The following FER variants were observed in gnomAD, a reference collection of about 807,000 sequenced individuals.
FER encodes the protein tyrosine-protein kinase Fer.
Under a neutral mutation model 111.0 loss-of-function variants are expected in FER, and 63 were observed. The observed-to-expected ratio is 0.57, with a 90% confidence interval of 0.46 to 0.70. The LOEUF (loss-of-function observed/expected upper bound fraction) is 0.70. Ranked by LOEUF, FER falls within the 30% of genes least tolerant of loss-of-function variation. The pLI is 0.00. For synonymous variants in FER, 327 were observed against 313.9 expected (o/e 1.04, Z -0.44); for missense variants, 914 against 954.0 (o/e 0.96, Z 0.55).
chr5:108,798,840 A>G (rs989091013), intron 3 of FER, among the ~76,000 whole-genome samples: 2 of 152,020 alleles, frequency 1.3e-5, no homozygotes, highest in Admixed American at 6.6e-5. Flanking sequence ...CAAAACAAAA[A>G]ATTCCCTAAT....
In FER at chr5:108,959,395, G is replaced by A. The variant is rs1758862273; in HGVS notation, c.1656+48G>A. 2.6e-6 allele frequency: 4 copies of A among 1,530,178 alleles called. No homozygotes were observed. The African/African-American group carries it at 4.2e-5, about 16-fold the overall frequency. The allele number at this position is 1,530,178 out of a possible 1,614,324, so 94.8% of individuals were successfully genotyped here. On this transcript the variant is annotated intron_variant, in intron 13 of 19. Coordinates refer to ENST00000281092, the MANE Select transcript of FER (RefSeq NM_005246.4). ...GTCTGTTTGTTTTAAAAGAATTTTTGGTGAGTTAACATTTCCAACAGTAAA... is the reference window on the plus strand; with the variant it reads ...GTCTGTTTGTTTTAAAAGAATTTTTAGTGAGTTAACATTTCCAACAGTAAA...
intron 9 of FER, among the ~76,000 whole-genome samples, chr5:108,891,168 A>G (rs1303718267): frequency 6.6e-6 from 1 of 152,074 alleles, no homozygotes; most frequent in Admixed American, 6.6e-5. Flanking sequence ...TGTCATTTGT[A>G]TATCCTGTTT....
At chr5:108,850,691 CTG>C (rs1762466469) in intron 5 of FER, among the ~76,000 whole-genome samples, 1 of 152,038 alleles carries the variant, frequency 6.6e-6, no homozygotes, top group African/African-American at 2.4e-5. Context: ...CAAAGAATAT[CTG>C]TGTATTCTGT....
intron 1 of FER, among the ~76,000 whole-genome samples, chr5:108,749,608 CCTT>C (rs1750226539): frequency 6.6e-6 from 1 of 152,358 alleles, no homozygotes; most frequent in Admixed American, 6.5e-5. Context: ...CTATCTGTCA[CCTT>C]CTCCCGCTTT....
At chr5:109,024,574 A>G (rs1053046625) in intron 13 of FER, among the ~76,000 whole-genome samples, 29 of 152,026 alleles carry the variant, frequency 1.9e-4, no homozygotes, top group Non-Finnish European at 3.8e-4. Context: ...TGAGCTACGG[A>G]GGACGGTGGG....
At chr5:109,038,345 A>G (rs1194784019) in intron 14 of FER, among the ~76,000 whole-genome samples, 2 of 151,918 alleles carry the variant, frequency 1.3e-5, no homozygotes, top group Non-Finnish European at 2.9e-5. Context: ...CATATGAGTG[A>G]TCAGTACTGA....
At chr5:108,844,137 C>CAT (rs1217345114) in intron 5 of FER, among the ~76,000 whole-genome samples, 1 of 92,696 alleles carries the variant, frequency 1.1e-5, no homozygotes, top group Admixed American at 9.9e-5. Flanking sequence ...TGTGTGTGAA[C>CAT]ATATATGTGT....
At chr5:109,056,786 A>G (rs940307592) in intron 16 of FER, among the ~76,000 whole-genome samples, 15 of 152,210 alleles carry the variant, frequency 9.9e-5, no homozygotes, top group Non-Finnish European at 1.9e-4. Context: ...TCACTATAAT[A>G]TTCTTTTTAC....
intron 17 of FER, among the ~76,000 whole-genome samples, chr5:109,101,586 T>C (rs1161160154): frequency 6.6e-6 from 1 of 152,116 alleles, no homozygotes; most frequent in Non-Finnish European, 1.5e-5. Flanking sequence ...GTATTTTAAA[T>C]ATGGTTCAAC....
At chr5:109,168,662 T>C (rs1756796660) in intron 17 of FER, among the ~76,000 whole-genome samples, 1 of 152,206 alleles carries the variant, frequency 6.6e-6, no homozygotes, top group Admixed American at 6.5e-5. Context: ...AAAAATATTT[T>C]GAATAATCTA....
intron 13 of FER, among the ~76,000 whole-genome samples, chr5:109,031,972 A>G (rs1021068686): frequency 2.6e-5 from 4 of 152,214 alleles, no homozygotes; most frequent in African/African-American, 7.2e-5. Context: ...ATGCTTAAGT[A>G]TATCCATAAC....
chr5:108,832,850 T>G lies in FER; in HGVS notation c.288T>G (p.Pro96=), dbSNP rs774725200. The part of the protein sequence containing the change: ...KTHAEDLNSG[P]LHRLTMMIKD... ...ATGCAGAGGACTTGAACTCTGGACCTTTACACAGGCTCACCATGATGATTA... is the reference window on the plus strand; with the variant it reads ...ATGCAGAGGACTTGAACTCTGGACCGTTACACAGGCTCACCATGATGATTA... Residue 96 remains proline, a synonymous_variant, in exon 4 of 20, where the codon CCT becomes CCG. Coordinates refer to ENST00000281092, the MANE Select transcript of FER (RefSeq NM_005246.4). The G allele has an allele frequency of 6.2e-7, 1 of 1,609,816 alleles. No homozygotes were observed. The highest frequency in any genetic ancestry group is 8.5e-7 in the Non-Finnish European group (1 of 1,177,510).
At chr5:108,979,140 C>G (rs1018968873) in intron 13 of FER, among the ~76,000 whole-genome samples, 1 of 151,940 alleles carries the variant, frequency 6.6e-6, no homozygotes, top group Non-Finnish European at 1.5e-5. Context: ...CATTATTTAC[C>G]CTTAGAAATC....
At chr5:109,051,661 T>A in intron 16 of FER, 1 of 1,576,094 alleles carries the variant, frequency 6.3e-7, no homozygotes, top group South Asian at 1.1e-5. Flanking sequence ...GCCATTGAAA[T>A]AAGCATATTT....
At chr5:109,098,426 C>T (rs1172076408) in intron 16 of FER, among the ~76,000 whole-genome samples, 1 of 151,686 alleles carries the variant, frequency 6.6e-6, no homozygotes, top group Non-Finnish European at 1.5e-5. Context: ...GGGGTTATGT[C>T]ATATGCTGCT....
At chr5:109,058,710 TTCTTTC>T (rs1183865538) in intron 16 of FER, among the ~76,000 whole-genome samples, 1 of 137,322 alleles carries the variant, frequency 7.3e-6, no homozygotes, top group Non-Finnish European at 1.6e-5. Flanking sequence ...CTTTTTCTTT[TTCTTTC>T]TTTCTTTCTT....
intron 13 of FER, among the ~76,000 whole-genome samples, chr5:109,001,218 G>C (rs573188734): frequency 6.6e-6 from 1 of 152,316 alleles, no homozygotes; most frequent in East Asian, 1.9e-4. Flanking sequence ...ATGAACATTT[G>C]ATGGGAAAAT....
Position 109,112,000 on chromosome 5 carries a change from C to T in FER, c.2048+11481C>T, listed in dbSNP as rs1316843210. Reference sequence around the variant, plus strand: ...ACATATTTTTATTATAGAACAAAAACACCTGCTTATTATGCTCTTAAATTA... The same window carrying T: ...ACATATTTTTATTATAGAACAAAAATACCTGCTTATTATGCTCTTAAATTA... On this transcript the variant is annotated intron_variant, in intron 17 of 19. Transcript: ENST00000281092. Among the ~76,000 whole-genome samples the T allele has an allele frequency of 2.6e-5, 4 of 152,150 alleles. No homozygotes were observed. In the East Asian group the frequency reaches 5.8e-4, roughly 22 times the overall value.
chr5:108,792,844 G>T (rs990918320), intron 2 of FER, among the ~76,000 whole-genome samples: 1 of 151,442 alleles, frequency 6.6e-6, no homozygotes, highest in Admixed American at 6.6e-5. Context: ...TATTGACCTT[G>T]TACCCTGTAC....
Sources: gnomAD v4.1 joint callset for allele counts (sites outside exome capture counted in the v4.1 genomes callset) on GRCh38, gnomAD v4.1.1 for gene constraint, MANE v1.5 for transcripts, NCBI Gene and HGNC (gene_info 2026-07-23, HGNC 2026-07-21) for gene names.